Variants in PRKN observed in about 807,000 individuals in gnomAD.
PRKN encodes the protein parkin RBR E3 ubiquitin protein ligase, also known as E3 ubiquitin-protein ligase parkin.
Under a neutral mutation model 59.5 loss-of-function variants are expected in PRKN, and 56 were observed. The observed-to-expected ratio is 0.94, with a 90% CI of 0.76 to 1.18. PRKN has a LOEUF of 1.18. PRKN is among the 50% of genes most tolerant of loss of function. The pLI is 0.00. For synonymous variants in PRKN, 250 were observed against 222.1 expected (o/e 1.13, Z -1.12); for missense variants, 657 against 596.4 (o/e 1.10, Z -1.06).
At position 161,363,225 on chromosome 6, in the gene PRKN, G is replaced by C. The variant is rs1381078140; in HGVS notation, c.1168-3020C>G. Among the ~76,000 whole-genome samples the C allele has an allele frequency of 6.6e-6, 1 of 152,164 alleles. No individual in the cohort carries two copies. Among genetic ancestry groups the C allele is most frequent in the African/African-American group, 2.4e-5 (1 of 41,430 alleles). Reference sequence around the variant, plus strand: ...CCACTGCATTCCAGTCCCGGTGATGGAGTGGGACTCTGTCTCAAAAAAACT... The same window carrying C: ...CCACTGCATTCCAGTCCCGGTGATGCAGTGGGACTCTGTCTCAAAAAAACT... On this transcript the variant is annotated intron_variant, in intron 10 of 11. Coordinates refer to ENST00000366898, the MANE Select transcript of PRKN (RefSeq NM_004562.3). The surrounding 1 kb of genome is among the most constrained non-coding windows in gnomAD (Gnocchi z 4.1).
chr6:162,523,756 C>T (rs183704327), intron 1 of PRKN, among the ~76,000 whole-genome samples: 104 of 152,134 alleles, frequency 6.8e-4, no homozygotes, highest in African/African-American at 2.1e-3. Flanking sequence ...GTGGCTCATG[C>T]GTATAATCCC....
At chr6:162,206,088 G>T (rs1784925699) in intron 3 of PRKN, among the ~76,000 whole-genome samples, 1 of 152,084 alleles carries the variant, frequency 6.6e-6, no homozygotes, top group Non-Finnish European at 1.5e-5. Flanking sequence ...AAACAGGGGG[G>T]ACTTCCGTAG....
intron 2 of PRKN, among the ~76,000 whole-genome samples, chr6:162,440,137 A>AT (rs34347347): frequency 0.31 from 46,751 of 151,914 alleles, 8,004 homozygotes; most frequent in African/African-American, 0.47. Context: ...TTTTCCTTTA[A>AT]TTTTTTAAAG....
At chr6:162,127,597 A>G (rs978757174) in intron 4 of PRKN, among the ~76,000 whole-genome samples, 2 of 152,250 alleles carry the variant, frequency 1.3e-5, no homozygotes, top group Admixed American at 1.3e-4. Flanking sequence ...CTGAGGAATC[A>G]AATGAGAAAA....
intron 6 of PRKN, among the ~76,000 whole-genome samples, chr6:161,939,277 A>T (rs958900586): frequency 6.6e-6 from 1 of 151,488 alleles, no homozygotes; most frequent in African/African-American, 2.4e-5. Flanking sequence ...AAATGGCCGG[A>T]TGTGGTGGTG....
intron 7 of PRKN, among the ~76,000 whole-genome samples, chr6:161,755,006 G>A (rs1788856122): frequency 6.6e-6 from 1 of 152,306 alleles, no homozygotes; most frequent in South Asian, 2.1e-4. Flanking sequence ...ACCTACCAGG[G>A]AAAGTGCTTA....
At chr6:161,874,798 G>T (rs769743028) in intron 6 of PRKN, among the ~76,000 whole-genome samples, 1 of 55,928 alleles carries the variant, frequency 1.8e-5, no homozygotes, top group Non-Finnish European at 3.0e-5. Context: ...TAAATAAAAT[G>T]TATAAGATAT....
At chr6:161,412,299 C>T (rs931007019) in intron 9 of PRKN, among the ~76,000 whole-genome samples, 1 of 148,470 alleles carries the variant, frequency 6.7e-6, no homozygotes, top group African/African-American at 2.5e-5. Context: ...TCCACTCATT[C>T]CTCTGCTCAC....
At chr6:162,631,535 T>C (rs1783108498) in intron 1 of PRKN, among the ~76,000 whole-genome samples, 1 of 152,124 alleles carries the variant, frequency 6.6e-6, no homozygotes, top group South Asian at 2.1e-4. Flanking sequence ...TTTTAAATTT[T>C]TTTTATTGTG....
intron 3 of PRKN, among the ~76,000 whole-genome samples, chr6:162,233,337 T>C (rs1033978043): frequency 6.6e-6 from 1 of 152,198 alleles, no homozygotes; most frequent in African/African-American, 2.4e-5. Flanking sequence ...ATGTATTGAC[T>C]GAAAATACAC....
intron 4 of PRKN, among the ~76,000 whole-genome samples, chr6:162,177,183 A>G (rs6941378): frequency 0.019 from 2,846 of 152,282 alleles, 73 homozygotes; most frequent in East Asian, 0.093. Context: ...GTTTAAATCA[A>G]AGCCATTGCA....
chr6:161,909,195 G>A (rs1006350097), intron 6 of PRKN, among the ~76,000 whole-genome samples: 86 of 152,138 alleles, frequency 5.7e-4, no homozygotes, highest in African/African-American at 2.0e-3. Flanking sequence ...CATCACAATA[G>A]GCTCTGCTCA....
In PRKN at chr6:162,011,480, A is replaced by AATATAATT. The variant is rs1445279106; in HGVS notation, c.619-38064_619-38063insAATTATAT. ...ATATATATATTATAATATATAATAT[A>AATATAATT]TTATAATATATATAATATATATTTA... On this transcript the variant is annotated intron_variant, in intron 5 of 11. Transcript: ENST00000366898. Among the ~76,000 whole-genome samples, 2 of 15,828 alleles carry AATATAATT rather than the reference A, an allele frequency of 1.3e-4. 1 individual carries two copies. Among genetic ancestry groups the AATATAATT allele is most frequent in the Non-Finnish European group, 2.0e-4 (2 of 10,024 alleles). The allele number at this position is 15,828 out of a possible 152,430, so 10.4% of individuals were successfully genotyped here.
chr6:161,949,495 A>G (rs1784601), intron 6 of PRKN, among the ~76,000 whole-genome samples: 38,060 of 151,866 alleles, frequency 0.25, 5,294 homozygotes, highest in East Asian at 0.31. Flanking sequence ...TGGGCAACAG[A>G]GCAAGACTCT....
chr6:162,497,588 C>T (rs1429206587), intron 1 of PRKN, among the ~76,000 whole-genome samples: 1 of 152,158 alleles, frequency 6.6e-6, no homozygotes, highest in African/African-American at 2.4e-5. Context: ...TTTTGCAGAG[C>T]AGCTCATTTT....
At position 161,371,456 on chromosome 6, in the gene PRKN, C is replaced by T. The variant is rs999949413; in HGVS notation, c.1168-11251G>A. On this transcript the variant is annotated intron_variant, in intron 10 of 11. Coordinates refer to ENST00000366898, the MANE Select transcript of PRKN (RefSeq NM_004562.3). The surrounding 1 kb of genome is among the most constrained non-coding windows in gnomAD (Gnocchi z 5.5). ...CTTGGATTACAGGTGTGAGCCACTG[C>T]GCCCGGCCTATTTTGTTATTTTTTT... Among the ~76,000 whole-genome samples the T allele has an allele frequency of 4.0e-4, 58 of 144,266 alleles. No homozygotes were observed. The highest frequency in any genetic ancestry group is 1.4e-3 in the African/African-American group (55 of 38,940). 94.6% of individuals were successfully genotyped at this position (144,266 alleles called of 152,430 possible). A position where few individuals can be genotyped will look rare whatever the true frequency, so the allele number is the denominator to read the frequency against.
intron 2 of PRKN, among the ~76,000 whole-genome samples, chr6:162,339,835 T>C (rs1784082152): frequency 1.3e-5 from 2 of 149,242 alleles, no homozygotes; most frequent in Non-Finnish European, 3.0e-5. Flanking sequence ...TCTGTGACCT[T>C]ACCCCCAACC....
chr6:162,300,553 G>A (rs1176137533), intron 2 of PRKN, among the ~76,000 whole-genome samples: 1 of 151,722 alleles, frequency 6.6e-6, no homozygotes, highest in African/African-American at 2.4e-5. Flanking sequence ...CTTTCACCTG[G>A]ATACTTTTCA....
chr6:161,899,871 C>T (rs545269476), intron 6 of PRKN, among the ~76,000 whole-genome samples: 1 of 152,190 alleles, frequency 6.6e-6, no homozygotes, highest in Non-Finnish European at 1.5e-5. Context: ...GCCTGTAATC[C>T]CAGCACTTTG....
Sources: gnomAD v4.1 joint callset for allele counts (sites outside exome capture counted in the v4.1 genomes callset) on GRCh38, gnomAD v4.1.1 for gene constraint, Gnocchi (gnomAD v3.1) non-coding constraint, MANE v1.5 for transcripts, NCBI Gene and HGNC (gene_info 2026-07-23, HGNC 2026-07-21) for gene names.